Variants in MYH10 observed in about 807,000 individuals in gnomAD.
MYH10 encodes myosin-10.
MYH10 carries 55 observed loss-of-function variants against 257.8 expected under a neutral mutation model. That is an observed-to-expected ratio of 0.21 (90% confidence interval 0.17 to 0.27). MYH10 has a LOEUF of 0.27. MYH10 is among the 10% of genes least tolerant of loss of function. The probability of loss-of-function intolerance (pLI) is 1.00; values close to 1 mark genes in which losing one functional copy is unlikely to be tolerated. For synonymous variants in MYH10, 854 were observed against 921.7 expected (o/e 0.93, Z 1.33); for missense variants, 1,631 against 2,500.6 (o/e 0.65, Z 7.42).
chr17:8,611,502 G>A (rs2085037753), intron 2 of MYH10, among the ~76,000 whole-genome samples: 1 of 152,168 alleles, frequency 6.6e-6, no homozygotes. Flanking sequence ...AGACGTGACT[G>A]AGAATTCTGA....
At chr17:8,514,291 C>T (rs915712593) in intron 21 of MYH10, among the ~76,000 whole-genome samples, 3 of 152,216 alleles carry the variant, frequency 2.0e-5, no homozygotes, top group Non-Finnish European at 4.4e-5. Context: ...GAGCTACTCT[C>T]GTTTTCCTTT....
Position 8,492,835 on chromosome 17 carries a change from G to A in MYH10, c.4399C>T (p.Leu1467=). Residue 1467 remains leucine (L), a synonymous_variant, in exon 33 of 43, where the codon CTG becomes TTG. Coordinates refer to ENST00000360416, the MANE Select transcript of MYH10 (RefSeq NM_001256012.3). The part of the protein sequence containing the change: ...QQELDDLTVD[L]DHQRQVASNL... Reference sequence around the variant, plus strand: ...GAGGCGACCTGGCGCTGGTGGTCCAGGTCCACCGTGAGGTCGTCCAGCTCC... The same window carrying A: ...GAGGCGACCTGGCGCTGGTGGTCCAAGTCCACCGTGAGGTCGTCCAGCTCC... The A allele has an allele frequency of 2.5e-6, 4 of 1,614,062 alleles. No homozygotes were observed. Among genetic ancestry groups the A allele is most frequent in the Non-Finnish European group, 3.4e-6 (4 of 1,180,024 alleles).
rs773331002 is a variant in MYH10, at chr17:8,592,797, T to G, written c.503-3689A>C. ...TCAATCCATTCTAAGAGACAAACCT[T>G]ACCCTGATAATGAAATCAGAAAAAA... On this transcript the variant is annotated intron_variant, in intron 3 of 42. Transcript: ENST00000360416. Among the ~76,000 whole-genome samples, 2 of 64,470 alleles carry G rather than the reference T, an allele frequency of 3.1e-5. 1 individual carries two copies. The highest frequency in any genetic ancestry group is 5.7e-5 in the Non-Finnish European group (2 of 35,324). 42.3% of individuals were successfully genotyped at this position (64,470 alleles called of 152,430 possible). A position where few individuals can be genotyped will look rare whatever the true frequency, so the allele number is the denominator to read the frequency against.
intron 13 of MYH10, among the ~76,000 whole-genome samples, chr17:8,542,874 C>T (rs891875187): frequency 1.3e-5 from 2 of 152,190 alleles, no homozygotes; most frequent in East Asian, 3.8e-4. Flanking sequence ...GACTCTCTAT[C>T]GTTTCTCTAA....
rs1351049947 is a variant in MYH10, at chr17:8,561,606, ACTATTCT to A, written c.757-7595_757-7589del. 18 of 757,080 alleles carry A rather than the reference ACTATTCT, an allele frequency of 2.4e-5. No homozygotes were observed. In the Admixed American group the frequency reaches 3.2e-4, roughly 13 times the overall value. 46.9% of individuals were successfully genotyped at this position (757,080 alleles called of 1,614,324 possible). A position where few individuals can be genotyped will look rare whatever the true frequency, so the allele number is the denominator to read the frequency against. ...CTGAGTTCTTAAAGACTGAAGACAG[ACTATTCT>A]CTGGAGAAAAATAAAATGGAAATTG... is the stretch of plus-strand genomic sequence containing the variant. On this transcript the variant is annotated intron_variant, in intron 7 of 42. Transcript: ENST00000360416.
chr17:8,531,063 C>A (rs1415422258), intron 16 of MYH10, among the ~76,000 whole-genome samples: 2 of 152,116 alleles, frequency 1.3e-5, no homozygotes, highest in African/African-American at 4.8e-5. Context: ...GAAGTCACAG[C>A]ACTATGGCGA....
chr17:8,629,675 A>C (rs2152118103), intron 1 of MYH10, among the ~76,000 whole-genome samples: 1 of 152,234 alleles, frequency 6.6e-6, no homozygotes, highest in Admixed American at 6.5e-5. Context: ...GCAGAAGGCA[A>C]TGAAGAGACT....
At chr17:8,612,923 C>T (rs985955332) in intron 2 of MYH10, among the ~76,000 whole-genome samples, 1 of 151,868 alleles carries the variant, frequency 6.6e-6, no homozygotes, top group Non-Finnish European at 1.5e-5. Context: ...TGGTTCAGTA[C>T]CATTTGTGGT....
At chr17:8,599,288 C>G (rs142847942) in intron 3 of MYH10, among the ~76,000 whole-genome samples, 1 of 152,168 alleles carries the variant, frequency 6.6e-6, no homozygotes, top group African/African-American at 2.4e-5. Flanking sequence ...TGCATACATA[C>G]ATTTTTCAAT....
At chr17:8,629,763 C>A (rs1454085127) in intron 1 of MYH10, among the ~76,000 whole-genome samples, 3 of 152,126 alleles carry the variant, frequency 2.0e-5, no homozygotes, top group African/African-American at 7.2e-5. Flanking sequence ...GGCCGTCCTG[C>A]TGCAGCGCGC....
chr17:8,482,133 T>C (rs889754339), intron 37 of MYH10, among the ~76,000 whole-genome samples: 1 of 152,184 alleles, frequency 6.6e-6, no homozygotes, highest in Non-Finnish European at 1.5e-5. Flanking sequence ...GCATTTATCT[T>C]ATAAATGAGG....
intron 21 of MYH10, among the ~76,000 whole-genome samples, chr17:8,516,018 C>A (rs1169108563): frequency 6.6e-6 from 1 of 152,164 alleles, no homozygotes; most frequent in Non-Finnish European, 1.5e-5. Flanking sequence ...CTTCTTTGGC[C>A]CTCTGGGAGA....
chr17:8,576,121 G>A (rs1047016974), intron 6 of MYH10, among the ~76,000 whole-genome samples: 2 of 152,198 alleles, frequency 1.3e-5, no homozygotes, highest in East Asian at 3.8e-4. Flanking sequence ...GGGACTATAG[G>A]TGCATACCAC....
intron 4 of MYH10, among the ~76,000 whole-genome samples, chr17:8,583,651 C>T (rs891815852): frequency 2.0e-5 from 3 of 152,316 alleles, no homozygotes; most frequent in African/African-American, 7.2e-5. Flanking sequence ...GCTGTTTAAT[C>T]AATTCTATCA....
At chr17:8,591,087 T>C (rs1032869690) in intron 3 of MYH10, among the ~76,000 whole-genome samples, 2 of 152,044 alleles carry the variant, frequency 1.3e-5, no homozygotes, top group Non-Finnish European at 2.9e-5. Context: ...TTAGCCAGGA[T>C]GGTCTCGATC....
At position 8,552,401 on chromosome 17, in the gene MYH10, C is replaced by T. The variant is rs2082669278; in HGVS notation, c.821-257G>A. Among the ~76,000 whole-genome samples, 1 of 152,168 alleles carries T rather than the reference C, an allele frequency of 6.6e-6. No homozygotes were observed. The highest frequency in any genetic ancestry group is 1.5e-5 in the Non-Finnish European group (1 of 68,042). On this transcript the variant is annotated intron_variant, in intron 8 of 42. Transcript: ENST00000360416. This position sits in a 1 kb window ranked among gnomAD's most constrained non-coding sequence, Gnocchi z 4.8. ...TTAAAGATTATACGTGCTTCCCTCA[C>T]TCAGCTCCACTCTACCCCATCCTTC...
rs112255078 is a variant in MYH10 at position 8,584,686 on chromosome 17, G to A, written c.530+4395C>T. Among the ~76,000 whole-genome samples, 191 of 152,222 alleles carry A rather than the reference G, an allele frequency of 1.3e-3. 1 individual carries two copies. The highest frequency in any genetic ancestry group is 4.3e-3 in the African/African-American group (178 of 41,544). On this transcript the variant is annotated intron_variant, in intron 4 of 42. Transcript: ENST00000360416. ...AGGAGGGAGTGAAACTGTTGTTTCC[G>A]TCCAATGCCTCTCTGGGCCTGATAA...
intron 3 of MYH10, among the ~76,000 whole-genome samples, chr17:8,595,215 C>T (rs1023321258): frequency 2.0e-5 from 3 of 152,014 alleles, no homozygotes; most frequent in Admixed American, 6.6e-5. Context: ...TTATTCCTAG[C>T]GTTTATTTAT....
At chr17:8,551,674 C>T (rs1424989104) in intron 9 of MYH10, among the ~76,000 whole-genome samples, 1 of 152,154 alleles carries the variant, frequency 6.6e-6, no homozygotes, top group Admixed American at 6.5e-5. Flanking sequence ...AACATATATT[C>T]AGTTGTAAAT....
Sources: allele counts gnomAD v4.1 joint callset (sites outside exome capture counted in the v4.1 genomes callset), GRCh38; gene constraint gnomAD v4.1.1; non-coding constraint Gnocchi (gnomAD v3.1); transcripts MANE v1.5; gene names NCBI Gene and HGNC (gene_info 2026-07-23, HGNC 2026-07-21).